SLC13A3: variants seen among roughly 807,000 people sequenced by gnomAD.
SLC13A3 encodes the protein Na(+)/dicarboxylate cotransporter 3.
SLC13A3 carries 40 observed loss-of-function variants against 59.0 expected under a neutral mutation model. That is an observed-to-expected ratio of 0.68 (90% CI 0.53 to 0.88). The LOEUF (loss-of-function observed/expected upper bound fraction) is 0.88. SLC13A3 is among the 40% of genes least tolerant of loss of function. The probability of loss-of-function intolerance (pLI) is 0.00; values close to 1 mark genes in which losing one functional copy is unlikely to be tolerated. For synonymous variants in SLC13A3, 317 were observed against 330.3 expected (o/e 0.96, Z 0.44); for missense variants, 699 against 783.2 (o/e 0.89, Z 1.28).
At chr20:46,620,963 A>T (rs753505786) in intron 1 of SLC13A3, among the ~76,000 whole-genome samples, 1 of 152,238 alleles carries the variant, frequency 6.6e-6, no homozygotes, top group Non-Finnish European at 1.5e-5. Flanking sequence ...TTGCCAGTAC[A>T]ATCCTGAAGA....
At chr20:46,661,966 G>A (rs998017666) in intron 1 of SLC13A3, among the ~76,000 whole-genome samples, 5 of 152,084 alleles carry the variant, frequency 3.3e-5, no homozygotes, top group African/African-American at 1.2e-4. Flanking sequence ...AAATCCCATG[G>A]TAAGACTTGG....
intron 1 of SLC13A3, among the ~76,000 whole-genome samples, chr20:46,681,456 AGGAG>A (rs1357199623): frequency 2.6e-5 from 4 of 151,742 alleles, no homozygotes; most frequent in African/African-American, 9.7e-5. Context: ...GGAAGGAGGG[AGGAG>A]GGAGGAGGAA....
chr20:46,609,825 C>T (rs1319270409), intron 3 of SLC13A3, among the ~76,000 whole-genome samples: 3 of 152,218 alleles, frequency 2.0e-5, no homozygotes, highest in Admixed American at 1.3e-4. Context: ...ACAGAGAGCG[C>T]TACAGTGAAT....
At chr20:46,566,532 G>C in intron 10 of SLC13A3, 142 bp from the exon 11 acceptor site, 1 of 887,828 alleles carries the variant, frequency 1.1e-6, no homozygotes, top group Non-Finnish European at 1.7e-6. Flanking sequence ...GAGGTGACGT[G>C]TCCAATGTCA....
intron 2 of SLC13A3, among the ~76,000 whole-genome samples, chr20:46,612,208 T>A (rs1181257168): frequency 7.1e-6 from 1 of 140,284 alleles, no homozygotes; most frequent in African/African-American, 2.7e-5. Context: ...CTTGGCTCAC[T>A]GCAACATCCG....
chr20:46,680,704 T>C (rs1028545284), intron 1 of SLC13A3, among the ~76,000 whole-genome samples: 1 of 152,268 alleles, frequency 6.6e-6, no homozygotes, highest in Non-Finnish European at 1.5e-5. Flanking sequence ...CAGAATTGAC[T>C]GAAGCTGCTG....
At chr20:46,652,704 A>T (rs1245074755), upstream of SLC13A3, among the ~76,000 whole-genome samples, 3 of 149,902 alleles carry the variant, frequency 2.0e-5, no homozygotes, top group Admixed American at 6.6e-5. Flanking sequence ...CGTTATTCTT[A>T]TTTTTTTTTA....
chr20:46,662,810 T>A (rs765590644), intron 1 of SLC13A3, among the ~76,000 whole-genome samples: 4 of 152,234 alleles, frequency 2.6e-5, no homozygotes, highest in Non-Finnish European at 5.9e-5. Context: ...TGTTGTTGTA[T>A]CTAGGAAGGG....
intron 1 of SLC13A3, among the ~76,000 whole-genome samples, chr20:46,624,033 C>A (rs2062642641): frequency 6.6e-6 from 1 of 152,172 alleles, no homozygotes; most frequent in African/African-American, 2.4e-5. Context: ...CTCTCTCGTT[C>A]CTAGGCCAAG....
intron 1 of SLC13A3, among the ~76,000 whole-genome samples, chr20:46,659,606 C>T (rs564667565): frequency 6.0e-5 from 9 of 151,192 alleles, no homozygotes; most frequent in African/African-American, 2.2e-4. Context: ...TCCCAGCTAC[C>T]GGGGAGGCTG....
upstream of SLC13A3, among the ~76,000 whole-genome samples, chr20:46,655,786 T>C (rs2062981550): frequency 6.9e-6 from 1 of 144,834 alleles, no homozygotes; most frequent in East Asian, 2.0e-4. Flanking sequence ...TATATATGCC[T>C]TCAGTATATA....
chr20:46,592,873 C>T (rs1278224688), intron 5 of SLC13A3, among the ~76,000 whole-genome samples: 1 of 152,190 alleles, frequency 6.6e-6, no homozygotes, highest in Non-Finnish European at 1.5e-5. Flanking sequence ...CTATTTGCTT[C>T]CCCATGGTTG....
intron 1 of SLC13A3, among the ~76,000 whole-genome samples, chr20:46,625,090 C>A (rs762065481): frequency 2.6e-5 from 4 of 152,164 alleles, no homozygotes; most frequent in African/African-American, 4.8e-5. Flanking sequence ...CTTTTCCTGC[C>A]CCCTGGCTTC....
At chr20:46,581,980 C>T (rs2062143237) in intron 9 of SLC13A3, among the ~76,000 whole-genome samples, 1 of 152,176 alleles carries the variant, frequency 6.6e-6, no homozygotes, top group Non-Finnish European at 1.5e-5. Context: ...CCCTGAGGTC[C>T]AGCTATGCTA....
At chr20:46,578,398 G>A (rs527311748) in intron 9 of SLC13A3, among the ~76,000 whole-genome samples, 6 of 152,032 alleles carry the variant, frequency 3.9e-5, no homozygotes, top group Admixed American at 1.3e-4. Flanking sequence ...TATACTGGCC[G>A]GGCATGGTGG....
intron 1 of SLC13A3, among the ~76,000 whole-genome samples, chr20:46,632,912 T>TCTACCCACCCAGATCG (rs1236408735): frequency 1.2e-4 from 7 of 56,542 alleles, no homozygotes; most frequent in Admixed American, 1.1e-3. Context: ...TAGATAGATA[T>TCTACCCACCCAGATCG]ATCTATCTAT....
At position 46,590,117 on chromosome 20, in the gene SLC13A3, CACTGGGTG is replaced by C. The variant is rs551730582; in HGVS notation, c.921-870_921-863del. On this transcript the variant is annotated intron_variant, in intron 6 of 12. Coordinates refer to ENST00000279027, the MANE Select transcript of SLC13A3 (RefSeq NM_022829.6). ...TGTGTGTCCATAAATGGTGTTAGGACACTGGGTGACCATTTGGGACAAAAAAAAGTGAA... is the reference window on the plus strand; with the variant it reads ...TGTGTGTCCATAAATGGTGTTAGGACACCATTTGGGACAAAAAAAAGTGAA... Among the ~76,000 whole-genome samples, 19 of 152,166 alleles carry C rather than the reference CACTGGGTG, an allele frequency of 1.2e-4. No homozygotes were observed. In the East Asian group the frequency reaches 3.5e-3, roughly 28 times the overall value.
At chr20:46,631,806 A>T (rs1177486417) in intron 1 of SLC13A3, among the ~76,000 whole-genome samples, 1 of 152,178 alleles carries the variant, frequency 6.6e-6, no homozygotes, top group African/African-American at 2.4e-5. Flanking sequence ...AGAGAAAAAA[A>T]TGCCATGTCA....
At chr20:46,612,693 T>C (rs2062511567) in intron 2 of SLC13A3, among the ~76,000 whole-genome samples, 1 of 152,166 alleles carries the variant, frequency 6.6e-6, no homozygotes, top group Admixed American at 6.5e-5. Flanking sequence ...AACATTATTC[T>C]GGGAAGATCC....
Sources: allele counts gnomAD v4.1 joint callset (sites outside exome capture counted in the v4.1 genomes callset), GRCh38; gene constraint gnomAD v4.1.1; transcripts MANE v1.5; gene names NCBI Gene and HGNC (gene_info 2026-07-23, HGNC 2026-07-21).